Variants in NEDD4 observed in about 807,000 individuals in gnomAD.
NEDD4 encodes NEDD4 E3 ubiquitin protein ligase, also known as E3 ubiquitin-protein ligase NEDD4.
NEDD4 carries 99 observed loss-of-function variants against 144.9 expected under a neutral mutation model. That is an observed-to-expected ratio of 0.68 (90% CI 0.58 to 0.81). The LOEUF (loss-of-function observed/expected upper bound fraction) is 0.81. NEDD4 is among the 30% of genes least tolerant of loss of function. NEDD4 has a pLI of 0.00. For synonymous variants in NEDD4, 318 were observed against 350.6 expected (o/e 0.91, Z 1.04); for missense variants, 985 against 1,065.9 (o/e 0.92, Z 1.06).
Position 55,860,625 on chromosome 15 carries a change from T to C in NEDD4, c.792+36A>G, listed in dbSNP as rs779839507. The C allele has an allele frequency of 5.0e-6, 8 of 1,613,660 alleles. No homozygotes were observed. The South Asian group carries it at 6.6e-5, about 13-fold the overall frequency. Reference sequence around the variant, plus strand: ...CCACACATACTTTATTGCTATAGCATGTGTCTTTCAAGGAGAACTAGGAAA... The same window carrying C: ...CCACACATACTTTATTGCTATAGCACGTGTCTTTCAAGGAGAACTAGGAAA... On this transcript the variant is annotated intron_variant, in intron 10 of 28. Coordinates refer to ENST00000435532, the MANE Select transcript of NEDD4 (RefSeq NM_006154.4).
chr15:55,964,857 T>A (rs894114044), intron 2 of NEDD4, among the ~76,000 whole-genome samples: 1 of 152,246 alleles, frequency 6.6e-6, no homozygotes, highest in South Asian at 2.1e-4. Context: ...AGCAAATCCC[T>A]CCTGAATAGA....
At chr15:55,851,116 G>C (rs1258490338) in intron 13 of NEDD4, among the ~76,000 whole-genome samples, 1 of 152,296 alleles carries the variant, frequency 6.6e-6, no homozygotes, top group East Asian at 1.9e-4. Context: ...GTGCCTATAG[G>C]AGGAGGTCGT....
At chr15:55,900,275 G>A (rs772201886) in intron 5 of NEDD4, among the ~76,000 whole-genome samples, 10 of 152,260 alleles carry the variant, frequency 6.6e-5, no homozygotes, top group Non-Finnish European at 1.0e-4. Context: ...GTTTTAGAGC[G>A]CATGGGAGCC....
chr15:55,957,793 TA>T (rs1351701893), intron 2 of NEDD4, among the ~76,000 whole-genome samples: 1 of 152,106 alleles, frequency 6.6e-6, no homozygotes, highest in Non-Finnish European at 1.5e-5. Context: ...TATGCAGCCA[TA>T]AAAAAGGATG....
chr15:55,923,012 C>G (rs755341176), intron 5 of NEDD4, among the ~76,000 whole-genome samples: 1 of 151,834 alleles, frequency 6.6e-6, no homozygotes, highest in Non-Finnish European at 1.5e-5. Flanking sequence ...GGTGAAACCC[C>G]GTCTCTACTA....
At chr15:55,836,196 A>G (rs1452689973) in intron 24 of NEDD4, among the ~76,000 whole-genome samples, 1 of 151,904 alleles carries the variant, frequency 6.6e-6, no homozygotes, top group Non-Finnish European at 1.5e-5. Context: ...TTCTGTGCTC[A>G]CCTAGCACTT....
intron 4 of NEDD4, among the ~76,000 whole-genome samples, chr15:55,930,410 C>T (rs970556318): frequency 1.3e-5 from 2 of 152,108 alleles, no homozygotes; most frequent in Non-Finnish European, 2.9e-5. Flanking sequence ...AAAAGTTAGT[C>T]AAACCATTTT....
At chr15:55,935,713 G>A (rs1393221675) in intron 4 of NEDD4, among the ~76,000 whole-genome samples, 1 of 151,772 alleles carries the variant, frequency 6.6e-6, no homozygotes, top group Non-Finnish European at 1.5e-5. Context: ...CAAGCGTGGT[G>A]GCATGCGCCT....
chr15:55,880,810 T>C (rs2035163694), intron 5 of NEDD4, among the ~76,000 whole-genome samples: 1 of 152,120 alleles, frequency 6.6e-6, no homozygotes, highest in African/African-American at 2.4e-5. Flanking sequence ...TATCGACTAG[T>C]AGGGTTTGGT....
chr15:55,841,858 A>G (rs1473688452), intron 19 of NEDD4, 76 bp downstream of exon 19: 4 of 1,258,336 alleles, frequency 3.2e-6, no homozygotes, highest in Non-Finnish European at 4.6e-6. Flanking sequence ...GGCATGAGCC[A>G]CTGCACCCGG....
chr15:55,869,818 G>C (rs2034712646), intron 7 of NEDD4, 137 bp from the exon 8 acceptor site: 1 of 497,454 alleles, frequency 2.0e-6, no homozygotes, highest in Admixed American at 3.7e-5. Context: ...CAGGGCAGAA[G>C]ATATCTAGGG....
rs146027903 is a variant in NEDD4, at chr15:55,837,041, G to C, written c.2262+748C>G. Among the ~76,000 whole-genome samples, 452 of 152,276 alleles carry C rather than the reference G, an allele frequency of 3.0e-3. 3 individuals are homozygous for C. The highest frequency in any genetic ancestry group is 0.01 in the African/African-American group (428 of 41,554). ...CTGTCTACCAATTGGAAAAATTTAA[G>C]TAACTTTTTAATTTATATTCTGAAT... On this transcript the variant is annotated intron_variant, in intron 24 of 28. Transcript: ENST00000435532.
At chr15:55,910,575 T>C (rs1352340389) in intron 5 of NEDD4, among the ~76,000 whole-genome samples, 1 of 152,098 alleles carries the variant, frequency 6.6e-6, no homozygotes, top group Non-Finnish European at 1.5e-5. Context: ...ACTGTATACC[T>C]TCCCTAACGT....
At chr15:55,830,633 T>A in intron 27 of NEDD4, 47 bp from the exon 28 acceptor site, 1 of 1,532,342 alleles carries the variant, frequency 6.5e-7, no homozygotes, top group South Asian at 1.1e-5. Flanking sequence ...TACAAGGATC[T>A]CCAGGCATAT....
chr15:55,992,835 T>C (rs1319401847), intron 1 of NEDD4, among the ~76,000 whole-genome samples: 1 of 152,232 alleles, frequency 6.6e-6, no homozygotes, highest in African/African-American at 2.4e-5. Flanking sequence ...ATGTGGTAAC[T>C]TCTTTATAAA....
At position 55,916,132 on chromosome 15, in the gene NEDD4, C is replaced by T. The variant is rs762226166; in HGVS notation, c.291+8514G>A. Reference sequence around the variant, plus strand: ...TCCAAGTCATCCTGGACAAAAGGATCTGTACTTGTACTTCTTGAAAAAATT... The same window carrying T: ...TCCAAGTCATCCTGGACAAAAGGATTTGTACTTGTACTTCTTGAAAAAATT... On this transcript the variant is annotated intron_variant, in intron 5 of 28. Transcript: ENST00000435532. The T allele has an allele frequency of 4.3e-6, 7 of 1,613,934 alleles. No homozygotes were observed. The South Asian group carries it at 7.7e-5, about 18-fold the overall frequency.
chr15:55,837,966 G>C, intron 23 of NEDD4, 117 bp from the exon 24 acceptor site: 1 of 915,970 alleles, frequency 1.1e-6, no homozygotes, highest in Admixed American at 2.3e-5. Context: ...AGCTGAATAT[G>C]AGTGCTTGCT....
At chr15:55,955,027 C>T (rs915076870) in intron 2 of NEDD4, among the ~76,000 whole-genome samples, 3 of 147,154 alleles carry the variant, frequency 2.0e-5, no homozygotes, top group Non-Finnish European at 4.4e-5. Flanking sequence ...GCACTGCATT[C>T]CAGCATTTTT....
chr15:55,860,744 G>A lies in NEDD4; in HGVS notation c.709C>T (p.Gln237Ter), dbSNP rs565198460. ...NLTDAENGNI[Q>*]LQAQRAFTTR... is the part of the protein sequence containing the mutation. ...GTAAATGCACGTTGTGCTTGCAGTT[G>A]AATGTTGCCATTCTCAGCATCTGTT... Residue 237 changes from glutamine (Q) to a stop codon, truncating the protein, a stop_gained, in exon 10 of 29, where the codon CAA (glutamine) becomes TAA (stop). Transcript: ENST00000435532. LOFTEE classifies it high-confidence loss of function. 6.2e-7 allele frequency: 1 copy of A among 1,614,010 alleles called. No individual in the cohort carries two copies. The highest frequency in any genetic ancestry group is 1.7e-5 in the Admixed American group (1 of 59,996).
Sources: allele counts gnomAD v4.1 joint callset (sites outside exome capture counted in the v4.1 genomes callset), GRCh38; gene constraint gnomAD v4.1.1; transcripts MANE v1.5; gene names NCBI Gene and HGNC (gene_info 2026-07-23, HGNC 2026-07-21).